Variants in MAGI1 observed in about 807,000 individuals in gnomAD.
The protein encoded by MAGI1 is membrane-associated guanylate kinase, WW and PDZ domain-containing protein 1.
MAGI1 carries 58 observed loss-of-function variants against 139.9 expected under a neutral mutation model. That is an observed-to-expected ratio of 0.41 (90% CI 0.34 to 0.52). MAGI1 has a LOEUF of 0.52. MAGI1 is among the 20% of genes least tolerant of loss of function. The pLI is 0.12. For synonymous variants in MAGI1, 812 were observed against 737.9 expected (o/e 1.10, Z -1.63); for missense variants, 1,874 against 1,901.6 (o/e 0.99, Z 0.27).
chr3:65,732,759 C>T (rs1289162706), intron 1 of MAGI1, among the ~76,000 whole-genome samples: 7 of 152,250 alleles, frequency 4.6e-5, no homozygotes, highest in African/African-American at 2.4e-5. Context: ...TCCCTCATTC[C>T]CCAAGTCTGA....
At chr3:65,916,442 C>A (rs945058644) in intron 1 of MAGI1, among the ~76,000 whole-genome samples, 1 of 152,118 alleles carries the variant, frequency 6.6e-6, no homozygotes, top group Non-Finnish European at 1.5e-5. Flanking sequence ...GCCTCACAAT[C>A]ATGGCAGAAG....
chr3:65,955,755 C>G (rs1371971987), intron 1 of MAGI1, among the ~76,000 whole-genome samples: 1 of 152,030 alleles, frequency 6.6e-6, no homozygotes. Flanking sequence ...ATCAGAATGA[C>G]AACCATGGAT....
chr3:65,524,463 G>GA (rs1267081908), intron 2 of MAGI1, among the ~76,000 whole-genome samples: 1 of 152,182 alleles, frequency 6.6e-6, no homozygotes, highest in Non-Finnish European at 1.5e-5. Context: ...TACTCTTATA[G>GA]AAAAGTTAGA....
intron 2 of MAGI1, among the ~76,000 whole-genome samples, chr3:65,599,274 G>C (rs2082373080): frequency 6.6e-6 from 1 of 152,170 alleles, no homozygotes; most frequent in Admixed American, 6.5e-5. Context: ...AGAGGGCAGT[G>C]GGCCATTTAG....
intron 1 of MAGI1, among the ~76,000 whole-genome samples, chr3:65,775,942 T>A (rs1265453361): frequency 3.5e-5 from 5 of 143,972 alleles, no homozygotes; most frequent in African/African-American, 5.1e-5. Flanking sequence ...ACCCTGTCTT[T>A]AAAAAAAAAA....
At chr3:65,403,822 T>C (rs937624057) in intron 12 of MAGI1, among the ~76,000 whole-genome samples, 26 of 152,350 alleles carry the variant, frequency 1.7e-4, no homozygotes, top group African/African-American at 6.0e-4. Flanking sequence ...GCAATGCACA[T>C]TCAAAGGTGC....
intron 1 of MAGI1, among the ~76,000 whole-genome samples, chr3:65,950,078 C>CAA (rs751496271): frequency 9.9e-5 from 4 of 40,334 alleles, no homozygotes; most frequent in Admixed American, 3.1e-4. Context: ...AAAAAAAAAA[C>CAA]AAAAAAAAAA....
intron 1 of MAGI1, among the ~76,000 whole-genome samples, chr3:65,938,372 T>C (rs1029603975): frequency 6.7e-6 from 1 of 148,772 alleles, no homozygotes; most frequent in African/African-American, 2.4e-5. Flanking sequence ...ATATTAAATA[T>C]ATTAACTTAA....
At chr3:65,964,572 C>T (rs2064642165) in intron 1 of MAGI1, among the ~76,000 whole-genome samples, 1 of 152,226 alleles carries the variant, frequency 6.6e-6, no homozygotes, top group Non-Finnish European at 1.5e-5. Flanking sequence ...CTCCCATTCT[C>T]ATAGCTCCAT....
intron 1 of MAGI1, among the ~76,000 whole-genome samples, chr3:65,820,380 T>C (rs997680624): frequency 2.0e-5 from 3 of 152,186 alleles, no homozygotes; most frequent in African/African-American, 7.2e-5. Flanking sequence ...TCTGTGGTGA[T>C]CACATCTCAT....
intron 1 of MAGI1, among the ~76,000 whole-genome samples, chr3:65,819,766 G>C: frequency 6.7e-6 from 1 of 149,282 alleles, no homozygotes; most frequent in Admixed American, 6.8e-5. Context: ...AGTCCCAGCT[G>C]CTCAGGAGGC....
At chr3:65,805,922 C>T (rs769543344) in intron 1 of MAGI1, among the ~76,000 whole-genome samples, 1 of 152,168 alleles carries the variant, frequency 6.6e-6, no homozygotes, top group Non-Finnish European at 1.5e-5. Context: ...GAATAACACA[C>T]ACTGGGGCCT....
intron 1 of MAGI1, among the ~76,000 whole-genome samples, chr3:65,642,461 C>T (rs922956241): frequency 1.3e-5 from 2 of 152,192 alleles, no homozygotes; most frequent in Non-Finnish European, 2.9e-5. Flanking sequence ...ATACTTAAGG[C>T]TAGCAGAAAA....
In MAGI1 at chr3:65,489,065, T is replaced by G. The variant is rs149745020; in HGVS notation, c.550+4447A>C. ...TGCCTGAATCTGAATCCCAGCTCTA[T>G]CTTTGATTTACCATGTGAACTAAGA... On this transcript the variant is annotated intron_variant, in intron 3 of 22. Transcript: ENST00000402939. Among the ~76,000 whole-genome samples, 97 of 152,310 alleles carry G rather than the reference T, an allele frequency of 6.4e-4. No homozygotes were observed. The East Asian group carries it at 0.015, about 23-fold the overall frequency.
chr3:65,463,863 A>T (rs143342793), intron 5 of MAGI1, among the ~76,000 whole-genome samples: 2,213 of 151,948 alleles, frequency 0.015, 55 homozygotes, highest in African/African-American at 0.05. Context: ...GGGTGGGTGT[A>T]TGTGTCCAGG....
At chr3:65,434,260 G>C (rs1051575438) in intron 10 of MAGI1, among the ~76,000 whole-genome samples, 1 of 152,140 alleles carries the variant, frequency 6.6e-6, no homozygotes, top group Non-Finnish European at 1.5e-5. Flanking sequence ...TCACATGATA[G>C]TTGTGAGAAA....
intron 1 of MAGI1, among the ~76,000 whole-genome samples, chr3:65,683,086 C>G (rs528530193): frequency 3.1e-4 from 47 of 152,170 alleles, no homozygotes; most frequent in African/African-American, 9.9e-4. Flanking sequence ...GAAGGCAGAG[C>G]TCAGGGAGTA....
intron 2 of MAGI1, among the ~76,000 whole-genome samples, chr3:65,536,539 A>G (rs1160293116): frequency 6.6e-6 from 1 of 152,114 alleles, no homozygotes; most frequent in Non-Finnish European, 1.5e-5. Flanking sequence ...CGGTAGGGTG[A>G]GATTTATATT....
At chr3:66,034,154 C>T (rs1054267304) in intron 1 of MAGI1, among the ~76,000 whole-genome samples, 2 of 151,972 alleles carry the variant, frequency 1.3e-5, no homozygotes, top group South Asian at 4.2e-4. Flanking sequence ...ACCCCACCCC[C>T]CAACCCCAAC....
Sources: allele counts gnomAD v4.1 joint callset (sites outside exome capture counted in the v4.1 genomes callset), GRCh38; gene constraint gnomAD v4.1.1; transcripts MANE v1.5; gene names NCBI Gene and HGNC (gene_info 2026-07-23, HGNC 2026-07-21).